The following TNR variants were observed in gnomAD, a reference collection of about 807,000 sequenced individuals.
TNR encodes tenascin-R.
In TNR, 45 loss-of-function variants were observed where a neutral mutation model predicts 150.4. That is an observed-to-expected ratio of 0.30 (90% CI 0.24 to 0.38). The LOEUF is 0.38. TNR is among the 10% of genes least tolerant of loss of function. The probability of loss-of-function intolerance (pLI) is 1.00; values close to 1 mark genes in which losing one functional copy is unlikely to be tolerated. For missense variants in TNR, 1,544 were observed against 1,759.1 expected (o/e 0.88, Z 2.19); for synonymous variants, 687 against 678.4 (o/e 1.01, Z -0.20).
At chr1:175,337,861 A>G (rs1222528420) in intron 18 of TNR, among the ~76,000 whole-genome samples, 182 bp from the exon 19 acceptor site, 3 of 152,194 alleles carry the variant, frequency 2.0e-5, no homozygotes, top group Admixed American at 2.0e-4. Flanking sequence ...CCCTTCCACA[A>G]CTGTTGTTAG....
At chr1:175,341,314 C>G (rs903962753) in intron 18 of TNR, among the ~76,000 whole-genome samples, 1 of 152,184 alleles carries the variant, frequency 6.6e-6, no homozygotes, top group African/African-American at 2.4e-5. Flanking sequence ...GGTGCAATAA[C>G]TGGAGCCTAG....
At chr1:175,614,041 A>C (rs982681497) in intron 1 of TNR, among the ~76,000 whole-genome samples, 10 of 152,224 alleles carry the variant, frequency 6.6e-5, no homozygotes, top group Admixed American at 5.9e-4. Context: ...CTATAAATTA[A>C]GGGCAATAGT....
Position 175,331,114 on chromosome 1 carries a change from T to TTTTC in TNR, c.3632-883_3632-880dup, listed in dbSNP as rs373039613. On this transcript the variant is annotated intron_variant, in intron 20 of 22. Transcript: ENST00000367674. The stretch of plus-strand genomic sequence containing the variant: ...CTTTCTTTCTTTCTCTCTCTCTTTC[T>TTTTC]TTTCTTTCTTTCTTTCTTTTCTTTC... Among the ~76,000 whole-genome samples the TTTTC allele has an allele frequency of 7.3e-4, 51 of 69,490 alleles. 4 individuals carry two copies. Among genetic ancestry groups the TTTTC allele is most frequent in the African/African-American group, 2.4e-3 (46 of 19,352 alleles). The allele number at this position is 69,490 out of a possible 152,430, so 45.6% of individuals were successfully genotyped here.
chr1:175,380,349 G>GA (rs1553212091), intron 8 of TNR, among the ~76,000 whole-genome samples: 4 of 152,152 alleles, frequency 2.6e-5, no homozygotes, highest in African/African-American at 9.7e-5. Context: ...GGCCTTGATG[G>GA]CACCTCTGTA....
chr1:175,685,856 T>TG (rs1666180085), intron 1 of TNR, among the ~76,000 whole-genome samples: 1 of 151,698 alleles, frequency 6.6e-6, no homozygotes, highest in South Asian at 2.1e-4. Context: ...ATTAGCTGTT[T>TG]TTTTTTTTTA....
intron 1 of TNR, among the ~76,000 whole-genome samples, chr1:175,566,100 G>A (rs1322732962): frequency 1.3e-5 from 2 of 152,188 alleles, no homozygotes; most frequent in Non-Finnish European, 2.9e-5. Flanking sequence ...GCCTCAAGCA[G>A]AGAAGGAAGA....
At chr1:175,476,879 A>G (rs890978396) in intron 2 of TNR, among the ~76,000 whole-genome samples, 1 of 152,160 alleles carries the variant, frequency 6.6e-6, no homozygotes, top group Non-Finnish European at 1.5e-5. Context: ...GTCTTTAGAG[A>G]CCCGTAACAG....
Position 175,315,721 on chromosome 1 carries a change from T to A in TNR, c.*7636A>T, listed in dbSNP as rs946460891. The A allele has an allele frequency of 6.6e-6, 1 of 152,182 alleles. No homozygotes were observed. The highest frequency in any genetic ancestry group is 1.5e-5 in the Non-Finnish European group (1 of 68,076). 9.4% of individuals were successfully genotyped at this position (152,182 alleles called of 1,614,324 possible). On this transcript the variant is annotated 3_prime_UTR_variant, in exon 23 of 23. Coordinates refer to ENST00000367674, the MANE Select transcript of TNR (RefSeq NM_003285.3). ...TGCTTAGGGTACTTGGGCATCCCCA[T>A]GGGCCTGGGGAGTATTCGAGGTTGG...
intron 1 of TNR, among the ~76,000 whole-genome samples, chr1:175,686,283 C>T (rs1191283010): frequency 6.6e-6 from 1 of 152,202 alleles, no homozygotes; most frequent in Non-Finnish European, 1.5e-5. Context: ...TGGTGTACCA[C>T]CTATCACTCC....
At chr1:175,654,051 C>A (rs1665096944) in intron 1 of TNR, among the ~76,000 whole-genome samples, 1 of 152,128 alleles carries the variant, frequency 6.6e-6, no homozygotes, top group Non-Finnish European at 1.5e-5. Context: ...AGAGGTGTGA[C>A]TTTTCTCCAC....
chr1:175,546,179 T>G (rs1448626090), intron 1 of TNR, among the ~76,000 whole-genome samples: 1 of 152,194 alleles, frequency 6.6e-6, no homozygotes, highest in Non-Finnish European at 1.5e-5. Context: ...GAAGCCAAGC[T>G]CATTTTTGTG....
intron 2 of TNR, among the ~76,000 whole-genome samples, chr1:175,501,583 T>G (rs1382884571): frequency 6.6e-6 from 1 of 152,214 alleles, no homozygotes; most frequent in African/African-American, 2.4e-5. Context: ...AAATGAGTGT[T>G]GTTTTAAGCC....
intron 1 of TNR, among the ~76,000 whole-genome samples, chr1:175,709,308 T>TACACACACACACACACACAC (rs371591261): frequency 3.1e-5 from 4 of 127,762 alleles, no homozygotes; most frequent in African/African-American, 1.2e-4. Flanking sequence ...CACACACACA[T>TACACACACACACACACACAC]ACACACACAC....
intron 1 of TNR, among the ~76,000 whole-genome samples, chr1:175,735,811 T>C (rs1466475170): frequency 6.6e-6 from 1 of 152,212 alleles, no homozygotes; most frequent in Non-Finnish European, 1.5e-5. Context: ...TCATGGTCTC[T>C]GGCTGACTGC....
At chr1:175,562,740 C>A (rs768078398) in intron 1 of TNR, among the ~76,000 whole-genome samples, 1 of 152,190 alleles carries the variant, frequency 6.6e-6, no homozygotes, top group Non-Finnish European at 1.5e-5. Context: ...GACTGTCTGA[C>A]AAGGGACAGA....
At chr1:175,429,529 A>C (rs1415130219) in intron 2 of TNR, among the ~76,000 whole-genome samples, 1 of 152,238 alleles carries the variant, frequency 6.6e-6, no homozygotes, top group Non-Finnish European at 1.5e-5. Context: ...AACCTATGAC[A>C]TGATCAGTGT....
At chr1:175,359,807 C>T in intron 14 of TNR, 76 bp from the exon 15 acceptor site, 1 of 1,525,714 alleles carries the variant, frequency 6.6e-7, no homozygotes, top group Non-Finnish European at 8.8e-7. Context: ...CTCAGAAGTT[C>T]CACTCATGGT....
rs2101977103 is a variant in TNR, at chr1:175,323,116, G to A, written c.*241C>T. On this transcript the variant is annotated 3_prime_UTR_variant, in exon 23 of 23. Transcript: ENST00000367674. ...AACTTCCTACTTCTCCTCCTTGGTG[G>A]GAAAGGAGGTGAAGGTTGAGGAGGC... 2.5e-6 allele frequency: 1 copy of A among 406,230 alleles called. No individual in the cohort carries two copies. Among genetic ancestry groups the A allele is most frequent in the Non-Finnish European group, 4.3e-6 (1 of 230,196 alleles). 25.2% of individuals were successfully genotyped at this position (406,230 alleles called of 1,614,324 possible).
At chr1:175,646,058 G>A (rs980872698) in intron 1 of TNR, among the ~76,000 whole-genome samples, 2 of 152,188 alleles carry the variant, frequency 1.3e-5, no homozygotes, top group African/African-American at 4.8e-5. Flanking sequence ...TAAGTTTGGG[G>A]TAGTATATTA....
Sources: gnomAD v4.1 joint callset for allele counts (sites outside exome capture counted in the v4.1 genomes callset) on GRCh38, gnomAD v4.1.1 for gene constraint, MANE v1.5 for transcripts, NCBI Gene and HGNC (gene_info 2026-07-23, HGNC 2026-07-21) for gene names.